Variants in LNPEP observed in about 807,000 individuals in gnomAD.
LNPEP encodes the protein leucyl-cystinyl aminopeptidase.
A neutral mutation model predicts 120.6 loss-of-function variants in LNPEP; 64 were observed. The observed-to-expected ratio is 0.53, with a 90% confidence interval of 0.43 to 0.65. The LOEUF (loss-of-function observed/expected upper bound fraction) is 0.65. LNPEP is among the 30% of genes least tolerant of loss of function. The pLI is 0.00. For synonymous variants in LNPEP, 435 were observed against 425.4 expected (o/e 1.02, Z -0.28); for missense variants, 1,057 against 1,200.0 (o/e 0.88, Z 1.76).
intron 4 of LNPEP, among the ~76,000 whole-genome samples, chr5:96,992,269 G>C (rs1370708567): frequency 6.6e-6 from 1 of 152,078 alleles, no homozygotes; most frequent in Admixed American, 6.6e-5. Flanking sequence ...ACATGAACCT[G>C]TTGTTCCCTT....
intron 14 of LNPEP, 73 bp downstream of exon 14, chr5:97,022,557 T>A: frequency 8.4e-7 from 1 of 1,184,870 alleles, no homozygotes; most frequent in Non-Finnish European, 1.2e-6. Context: ...ATCCAGGGTA[T>A]TCTCATCCTG....
chr5:97,009,326 A>G (rs1040862420), intron 11 of LNPEP, among the ~76,000 whole-genome samples: 2 of 150,538 alleles, frequency 1.3e-5, no homozygotes, highest in Admixed American at 1.3e-4. Flanking sequence ...AATATACTGT[A>G]AGTACTGTTC....
chr5:96,953,558 G>C (rs143302561), intron 1 of LNPEP, among the ~76,000 whole-genome samples: 1 of 152,058 alleles, frequency 6.6e-6, no homozygotes, highest in South Asian at 2.1e-4. Flanking sequence ...ATACAATGAC[G>C]TACAAAAGGA....
intron 13 of LNPEP, among the ~76,000 whole-genome samples, chr5:97,018,413 A>G (rs1042634863): frequency 6.6e-6 from 1 of 152,058 alleles, no homozygotes; most frequent in African/African-American, 2.4e-5. Flanking sequence ...TTCTGGGCAG[A>G]TATGTGTTTA....
intron 16 of LNPEP, 48 bp downstream of exon 16, chr5:97,026,805 A>T (rs766488325): frequency 6.5e-7 from 1 of 1,530,824 alleles, no homozygotes; most frequent in South Asian, 1.2e-5. Flanking sequence ...CAAGTTGTGC[A>T]TTTGAAAAAA....
chr5:97,022,730 G>A (rs987877260), intron 14 of LNPEP, among the ~76,000 whole-genome samples: 3 of 149,478 alleles, frequency 2.0e-5, no homozygotes, highest in Non-Finnish European at 3.0e-5. Context: ...CTGGTGTGCT[G>A]CACCCATTAA....
At chr5:96,985,059 T>A (rs760527125) in intron 2 of LNPEP, 21 bp from the exon 3 acceptor site, 56 of 1,613,260 alleles carry the variant, frequency 3.5e-5, no homozygotes, top group Non-Finnish European at 4.5e-5. Context: ...AACTACTGGA[T>A]TGAATTTGTG....
intron 6 of LNPEP, among the ~76,000 whole-genome samples, chr5:96,994,426 C>T (rs1432268355): frequency 1.3e-5 from 2 of 151,830 alleles, no homozygotes; most frequent in Admixed American, 6.6e-5. Flanking sequence ...CCCTAAGTTG[C>T]ACCCTTCTGA....
intron 1 of LNPEP, among the ~76,000 whole-genome samples, chr5:96,970,394 A>G (rs538842480): frequency 6.6e-6 from 1 of 152,152 alleles, no homozygotes; most frequent in South Asian, 2.1e-4. Flanking sequence ...ATCATAAAAT[A>G]TTCTTCTTTG....
At chr5:96,945,984 A>T (rs185012086) in intron 1 of LNPEP, among the ~76,000 whole-genome samples, 2 of 152,308 alleles carry the variant, frequency 1.3e-5, no homozygotes, top group East Asian at 3.9e-4. Context: ...AATGTAATAC[A>T]TGTCTGGTGT....
intron 15 of LNPEP, among the ~76,000 whole-genome samples, chr5:97,025,910 G>GT (rs1351959621): frequency 6.6e-6 from 1 of 151,996 alleles, no homozygotes; most frequent in Non-Finnish European, 1.5e-5. Flanking sequence ...TTGGGCTTTT[G>GT]TTTTTTTCTC....
chr5:96,954,695 C>T (rs1251096102), intron 1 of LNPEP, among the ~76,000 whole-genome samples: 1 of 47,074 alleles, frequency 2.1e-5, no homozygotes, highest in Non-Finnish European at 4.7e-5. Context: ...CATATATACA[C>T]ATATATACAT....
chr5:96,972,257 A>G (rs1789885010), intron 1 of LNPEP, among the ~76,000 whole-genome samples: 1 of 147,080 alleles, frequency 6.8e-6, no homozygotes, highest in Non-Finnish European at 1.5e-5. Context: ...TGTGGATTTT[A>G]TTAGGGCTTG....
At chr5:97,015,933 A>G (rs530762490) in intron 13 of LNPEP, among the ~76,000 whole-genome samples, 12 of 152,188 alleles carry the variant, frequency 7.9e-5, no homozygotes, top group Admixed American at 4.6e-4. Context: ...TCTAGGGTAC[A>G]TGTGCACAAT....
intron 1 of LNPEP, among the ~76,000 whole-genome samples, chr5:96,946,287 C>T (rs1789184493): frequency 6.6e-6 from 1 of 152,176 alleles, no homozygotes; most frequent in South Asian, 2.1e-4. Context: ...AGCCTCACTT[C>T]CATCTGCATC....
At chr5:97,022,168 A>T in intron 13 of LNPEP, 132 bp from the exon 14 acceptor site, 1 of 602,372 alleles carries the variant, frequency 1.7e-6, no homozygotes, top group Non-Finnish European at 2.9e-6. Flanking sequence ...ACCTCAGGTG[A>T]TCTGCCCGCC....
At chr5:97,006,287 A>ATT in intron 10 of LNPEP, 54 bp downstream of exon 10, 1 of 1,469,014 alleles carries the variant, frequency 6.8e-7, no homozygotes, top group Non-Finnish European at 9.4e-7. Context: ...AGGTGGAAAT[A>ATT]TTTTTAAGTG....
chr5:97,024,532 A>T lies in LNPEP; in HGVS notation c.2573A>T (p.Asp858Val). 6.2e-7 allele frequency: 1 copy of T among 1,613,866 alleles called. No individual in the cohort carries two copies. Among genetic ancestry groups the T allele is most frequent in the South Asian group, 1.1e-5 (1 of 91,040 alleles). The change falls in exon 15 of 18, where the codon GAT becomes GTT. Residue 858 changes from aspartate to valine, a missense_variant. Asp to Val is a radical substitution (Grantham distance 152, BLOSUM62 -3). Coordinates refer to ENST00000231368, the MANE Select transcript of LNPEP (RefSeq NM_005575.3). ...CACCTCTCTTACAGCCTACCTACTGATGTCATGACAACTGTGTTCAAAGTT... is the reference window on the plus strand; with the variant it reads ...CACCTCTCTTACAGCCTACCTACTGTTGTCATGACAACTGTGTTCAAAGTT... ...ASNGTQSLPT[D>V]VMTTVFKVGA...
intron 8 of LNPEP, among the ~76,000 whole-genome samples, chr5:97,003,074 T>C (rs1561448394): frequency 2.6e-5 from 4 of 152,142 alleles, no homozygotes. Context: ...CACAGAAAAT[T>C]TGGCATGTTT....
Sources: allele counts gnomAD v4.1 joint callset (sites outside exome capture counted in the v4.1 genomes callset), GRCh38; gene constraint gnomAD v4.1.1; transcripts MANE v1.5; gene names NCBI Gene and HGNC (gene_info 2026-07-23, HGNC 2026-07-21).